Variants in YY1 observed in about 807,000 individuals in gnomAD.
YY1 encodes the protein transcriptional repressor protein YY1.
A neutral mutation model predicts 35.6 loss-of-function variants in YY1; 2 were observed. The observed-to-expected ratio is 0.06, with a 90% confidence interval of 0.02 to 0.18. The LOEUF (loss-of-function observed/expected upper bound fraction) is 0.18, where lower values mean the gene tolerates loss of function less well. YY1 is among the 10% of genes least tolerant of loss of function. YY1 has a pLI of 1.00. For synonymous variants in YY1, 268 were observed against 238.9 expected (o/e 1.12, Z -1.12); for missense variants, 322 against 573.4 (o/e 0.56, Z 4.48).
intron 1 of YY1, among the ~76,000 whole-genome samples, chr14:100,247,861 G>A (rs1471541571): frequency 2.0e-5 from 3 of 152,204 alleles, no homozygotes; most frequent in Non-Finnish European, 2.9e-5. Context: ...TCTAAAATGA[G>A]TTGGGGTAGC....
chr14:100,271,249 AAAAT>A (rs1474860987), intron 2 of YY1, among the ~76,000 whole-genome samples: 8 of 152,314 alleles, frequency 5.3e-5, no homozygotes, highest in Admixed American at 4.6e-4. Context: ...TCTGCCTCAA[AAAAT>A]AAATAAATTA....
chr14:100,268,292 G>A (rs781173014), intron 2 of YY1, among the ~76,000 whole-genome samples: 2 of 152,152 alleles, frequency 1.3e-5, no homozygotes, highest in Non-Finnish European at 2.9e-5. Flanking sequence ...AGTTACATAC[G>A]CACATGGGCA....
intron 2 of YY1, among the ~76,000 whole-genome samples, chr14:100,270,058 C>G (rs367844824): frequency 4.6e-5 from 7 of 151,156 alleles, no homozygotes; most frequent in East Asian, 2.0e-4. Flanking sequence ...GTCAGGAGAT[C>G]GAGACCATCC....
intron 2 of YY1, among the ~76,000 whole-genome samples, chr14:100,271,374 CTT>C (rs1344469953): frequency 6.6e-6 from 1 of 152,166 alleles, no homozygotes; most frequent in Non-Finnish European, 1.5e-5. Context: ...TGGCACCAAA[CTT>C]TTGTTCTACC....
intron 1 of YY1, among the ~76,000 whole-genome samples, chr14:100,244,154 C>G (rs1413919950): frequency 1.3e-5 from 2 of 151,614 alleles, no homozygotes; most frequent in Non-Finnish European, 2.9e-5. Context: ...TTCTGGAAAC[C>G]AAATGGGTTT....
rs539229044 is a variant in YY1 at position 100,240,628 on chromosome 14, G to A, written c.679+705G>A. Among the ~76,000 whole-genome samples, 281 of 152,352 alleles carry A rather than the reference G, an allele frequency of 1.8e-3. 3 individuals are homozygous for A. Among genetic ancestry groups the A allele is most frequent in the Non-Finnish European group, 2.6e-3 (175 of 68,030 alleles). On this transcript the variant is annotated intron_variant, in intron 1 of 4. Coordinates refer to ENST00000262238, the MANE Select transcript of YY1 (RefSeq NM_003403.5). ...CAAGTCGTCGTTTGCTGCGGGGCGG[G>A]ACTTGGGGCTGCACGTAGGGCTCGC... is the stretch of plus-strand genomic sequence containing the variant.
chr14:100,276,797 C>T lies in YY1; in HGVS notation c.1062+149C>T, dbSNP rs900008110. On this transcript the variant is annotated intron_variant, in intron 4 of 4. Coordinates refer to ENST00000262238, the MANE Select transcript of YY1 (RefSeq NM_003403.5). This position sits in a 1 kb window ranked among gnomAD's most constrained non-coding sequence, Gnocchi z 4.1. ...AGAAACAAAACTTCTCCTGGGGAGT[C>T]GCTTAGAAGGGTTGCCGGGGCTCTG... The T allele has an allele frequency of 1.1e-5, 13 of 1,193,842 alleles. No individual in the cohort carries two copies. The African/African-American group carries it at 1.5e-4, about 14-fold the overall frequency. 74.0% of individuals were successfully genotyped at this position (1,193,842 alleles called of 1,614,324 possible).
rs1158686053 is a variant in YY1 at position 100,239,907 on chromosome 14, C to T, written c.663C>T (p.Val221=). ...QIKTLEGEFS[V]TMWSSDEKKD... ...AGACCCTGGAGGGCGAGTTCTCGGTCACCATGTGGTCCTCAGGTGAGCGCC... is the reference window on the plus strand; with the variant it reads ...AGACCCTGGAGGGCGAGTTCTCGGTTACCATGTGGTCCTCAGGTGAGCGCC... Residue 221 remains valine (V), a synonymous_variant, in exon 1 of 5, where the codon GTC becomes GTT. Coordinates refer to ENST00000262238, the MANE Select transcript of YY1 (RefSeq NM_003403.5). The T allele has an allele frequency of 6.5e-7, 1 of 1,531,322 alleles. No individual in the cohort carries two copies. The highest frequency in any genetic ancestry group is 1.2e-5 in the South Asian group (1 of 82,304). The allele number at this position is 1,531,322 out of a possible 1,614,324, so 94.9% of individuals were successfully genotyped here. A position where few individuals can be genotyped will look rare whatever the true frequency, so the allele number is the denominator to read the frequency against.
At chr14:100,256,418 C>T (rs1335781440) in intron 1 of YY1, among the ~76,000 whole-genome samples, 1 of 152,198 alleles carries the variant, frequency 6.6e-6, no homozygotes, top group Non-Finnish European at 1.5e-5. Flanking sequence ...CCCTGTTCCT[C>T]CCCAACCCAT....
chr14:100,256,567 T>C (rs1891009060), intron 1 of YY1, among the ~76,000 whole-genome samples: 1 of 152,230 alleles, frequency 6.6e-6, no homozygotes. Context: ...TTAAAAACAT[T>C]ATGCTTAGTG....
Position 100,276,387 on chromosome 14 carries a change from G to T in YY1, c.904-103G>T. The T allele has an allele frequency of 1.3e-6, 2 of 1,493,098 alleles. No individual in the cohort carries two copies. Among genetic ancestry groups the T allele is most frequent in the African/African-American group, 1.4e-5 (1 of 72,522 alleles). 92.5% of individuals were successfully genotyped at this position (1,493,098 alleles called of 1,614,324 possible). On this transcript the variant is annotated intron_variant, in intron 3 of 4. Coordinates refer to ENST00000262238, the MANE Select transcript of YY1 (RefSeq NM_003403.5). The surrounding 1 kb of genome is among the most constrained non-coding windows in gnomAD (Gnocchi z 4.1). ...TAAGTAAAATTAAAATGGGGGGTTG[G>T]GGAGGTGGTTTTGTTTTAATATGTC...
intron 1 of YY1, among the ~76,000 whole-genome samples, chr14:100,259,384 G>T (rs1284257260): frequency 1.3e-5 from 2 of 152,190 alleles, no homozygotes; most frequent in African/African-American, 4.8e-5. Flanking sequence ...GCTGGGCATG[G>T]TGGTGTGTGC....
Position 100,276,762 on chromosome 14 carries a change from C to T in YY1, c.1062+114C>T. The stretch of plus-strand genomic sequence containing the variant: ...AGCCCAGAGACTCAGGGTCTTATTA[C>T]TCCTTGGTGAGAAACAAAACTTCTC... On this transcript the variant is annotated intron_variant, in intron 4 of 4. Coordinates refer to ENST00000262238, the MANE Select transcript of YY1 (RefSeq NM_003403.5). The surrounding 1 kb of genome is among the most constrained non-coding windows in gnomAD (Gnocchi z 4.1). 1.3e-6 allele frequency: 2 copies of T among 1,517,842 alleles called. No individual in the cohort carries two copies. Among genetic ancestry groups the T allele is most frequent in the East Asian group, 2.3e-5 (1 of 44,248 alleles). 94.0% of individuals were successfully genotyped at this position (1,517,842 alleles called of 1,614,324 possible).
intron 2 of YY1, among the ~76,000 whole-genome samples, chr14:100,263,110 G>C (rs1188923233): frequency 6.6e-6 from 1 of 152,202 alleles, no homozygotes; most frequent in African/African-American, 2.4e-5. Flanking sequence ...GTTTCATCCT[G>C]TTGGCCAGTC....
In YY1 at chr14:100,239,804, G is replaced by C. The variant is rs1423177521; in HGVS notation, c.560G>C (p.Ser187Thr). The change falls in exon 1 of 5, where the codon AGC becomes ACC. Residue 187 changes from serine to threonine, a missense_variant. Coordinates refer to ENST00000262238, the MANE Select transcript of YY1 (RefSeq NM_003403.5). ...AAGAGCGGCAAGAAGAGTTACCTCA[G>C]CGGCGGGGCCGGCGCGGCGGGCGGC... Reference protein sequence around the residue: ...GKKSGKKSYLSGGAGAAGGGG... With the variant: ...GKKSGKKSYLTGGAGAAGGGG... The C allele has an allele frequency of 6.6e-7, 1 of 1,511,314 alleles. No individual in the cohort carries two copies. Among genetic ancestry groups the C allele is most frequent in the Non-Finnish European group, 8.8e-7 (1 of 1,135,358 alleles). 93.6% of individuals were successfully genotyped at this position (1,511,314 alleles called of 1,614,324 possible).
In YY1 at chr14:100,277,582, G is replaced by A. The variant is rs1288656606; in HGVS notation, c.1227G>A (p.Lys409=). The change falls in exon 5 of 5, where the codon AAG becomes AAA. Residue 409 remains lysine (K), a synonymous_variant. Transcript: ENST00000262238. The surrounding 1 kb of genome is among the most constrained non-coding windows in gnomAD (Gnocchi z 5.6). ...NLKSHILTHA[K]AKNNQ is the part of the protein sequence containing the mutation. ...AATCTCACATCTTAACACATGCTAA[G>A]GCCAAAAACAACCAGTGAAAAGAAG... is the stretch of plus-strand genomic sequence containing the variant. The A allele has an allele frequency of 1.2e-6, 2 of 1,614,094 alleles. No individual in the cohort carries two copies. The highest frequency in any genetic ancestry group is 1.7e-6 in the Non-Finnish European group (2 of 1,180,032).
At chr14:100,272,709 A>G (rs1385654675) in intron 2 of YY1, among the ~76,000 whole-genome samples, 1 of 151,610 alleles carries the variant, frequency 6.6e-6, no homozygotes, top group East Asian at 1.9e-4. Context: ...TTTTGGTTAC[A>G]TGGATGAATT....
At chr14:100,246,409 C>T (rs961231814) in intron 1 of YY1, among the ~76,000 whole-genome samples, 2 of 152,228 alleles carry the variant, frequency 1.3e-5, no homozygotes, top group African/African-American at 4.8e-5. Context: ...GGTCCCTCCC[C>T]TGGTGTGCCC....
chr14:100,257,728 G>A (rs1487498234), intron 1 of YY1, among the ~76,000 whole-genome samples: 1 of 152,158 alleles, frequency 6.6e-6, no homozygotes, highest in Admixed American at 6.6e-5. Context: ...CGAACTGTGG[G>A]AAATAAATGT....
Sources: gnomAD v4.1 joint callset for allele counts (sites outside exome capture counted in the v4.1 genomes callset) on GRCh38, gnomAD v4.1.1 for gene constraint, Gnocchi (gnomAD v3.1) non-coding constraint, MANE v1.5 for transcripts, NCBI Gene and HGNC (gene_info 2026-07-23, HGNC 2026-07-21) for gene names.